Variants in PRKD2 observed in about 807,000 individuals in gnomAD.
The protein encoded by PRKD2 is protein kinase D2.
A neutral mutation model predicts 86.0 loss-of-function variants in PRKD2; 22 were observed. That is an observed-to-expected ratio of 0.26 (90% CI 0.18 to 0.37). The LOEUF (loss-of-function observed/expected upper bound fraction) is 0.37, where lower values mean the gene tolerates loss of function less well. PRKD2 is among the 10% of genes least tolerant of loss of function. The pLI, the probability that PRKD2 is intolerant of heterozygous loss-of-function variation, is 1.00. For missense variants in PRKD2, 818 were observed against 1,199.2 expected (o/e 0.68, Z 4.70); for synonymous variants, 509 against 510.9 (o/e 1.00, Z 0.05).
At chr19:46,709,623 A>C (rs1257035539) in intron 3 of PRKD2, among the ~76,000 whole-genome samples, 1 of 151,940 alleles carries the variant, frequency 6.6e-6, no homozygotes, top group Non-Finnish European at 1.5e-5. Flanking sequence ...GGCCTCCCAG[A>C]GTGCTGGGAT....
At chr19:46,690,540 C>T in intron 13 of PRKD2, 60 bp downstream of exon 13, 2 of 1,530,608 alleles carry the variant, frequency 1.3e-6, no homozygotes, top group Non-Finnish European at 1.8e-6. Context: ...ACCACCCCTA[C>T]ACTGGGTCAG....
At chr19:46,712,644 G>C (rs946638714) in intron 2 of PRKD2, among the ~76,000 whole-genome samples, 2 of 152,238 alleles carry the variant, frequency 1.3e-5, no homozygotes, top group African/African-American at 4.8e-5. Context: ...CTTATGATAT[G>C]AAAGAGTACT....
intron 12 of PRKD2, among the ~76,000 whole-genome samples, 160 bp downstream of exon 12, chr19:46,691,575 T>C (rs1375892375): frequency 1.3e-5 from 2 of 152,164 alleles, no homozygotes; most frequent in Admixed American, 1.3e-4. Context: ...AAGGAGAACC[T>C]GCAATCAGTC....
Position 46,687,900 on chromosome 19 carries a change from G to A in PRKD2, c.1971+1637C>T, listed in dbSNP as rs571729707. ...TTGTTTGGTTTTGAGACACGGTCTC[G>A]CTCTGTCACCCAGGCTGGAGTGCAG... is the stretch of plus-strand genomic sequence containing the variant. On this transcript the variant is annotated intron_variant, in intron 14 of 17. Transcript: ENST00000291281. 7.5e-4 allele frequency among the ~76,000 whole-genome samples: 114 copies of A among 152,224 alleles called. 1 individual carries two copies. Among genetic ancestry groups the A allele is most frequent in the East Asian group, 1.9e-4 (1 of 5,168 alleles).
intron 3 of PRKD2, among the ~76,000 whole-genome samples, chr19:46,708,860 T>C (rs982427366): frequency 1.6e-4 from 24 of 152,204 alleles, no homozygotes; most frequent in Non-Finnish European, 3.1e-4. Flanking sequence ...AGGTGCCAGG[T>C]TGACAAGAGA....
intron 9 of PRKD2, 102 bp downstream of exon 9, chr19:46,697,055 G>A (rs2122703570): frequency 1.0e-6 from 1 of 981,006 alleles, no homozygotes; most frequent in Non-Finnish European, 1.6e-6. Context: ...CAGAGGGTGT[G>A]ATTTGCAGGA....
At chr19:46,714,119 G>A (rs1377905189) in intron 1 of PRKD2, 118 bp from the exon 2 acceptor site, 2 of 1,432,848 alleles carry the variant, frequency 1.4e-6, no homozygotes, top group Non-Finnish European at 1.8e-6. Context: ...CAGAGACCCC[G>A]CAGGCCCTCG....
intron 1 of PRKD2, among the ~76,000 whole-genome samples, 173 bp downstream of exon 1, chr19:46,715,958 A>C (rs1162190163): frequency 6.6e-6 from 1 of 152,182 alleles, no homozygotes; most frequent in Non-Finnish European, 1.5e-5. Context: ...GTCCTCTCTC[A>C]AAGGGATGGT....
At position 46,716,305 on chromosome 19, in the gene PRKD2, G is replaced by T. The variant is rs774106327; in HGVS notation, c.66C>A (p.Pro22=). ...GCGACTGCAGCTCTAGGCCGCCGGG[G>T]GGCGGAGGAGACCCCGGCCCGGGAG... ...PGSPGPGSPP[P]PGGLELQSPP... is the part of the protein sequence containing the mutation. Residue 22 remains proline, a synonymous_variant, in exon 1 of 18, where the codon CCC becomes CCA. Coordinates refer to ENST00000291281, the MANE Select transcript of PRKD2 (RefSeq NM_016457.5). The surrounding 1 kb of genome is among the most constrained non-coding windows in gnomAD (Gnocchi z 7.9). 58 of 1,526,100 alleles carry T rather than the reference G, an allele frequency of 3.8e-5. No homozygotes were observed. The highest frequency in any genetic ancestry group is 5.1e-5 in the Non-Finnish European group (58 of 1,138,918). The allele number at this position is 1,526,100 out of a possible 1,614,324, so 94.5% of individuals were successfully genotyped here.
Position 46,716,422 on chromosome 19 carries a change from G to A in PRKD2, c.-52C>T, listed in dbSNP as rs987639950. 7 of 1,177,274 alleles carry A rather than the reference G, an allele frequency of 5.9e-6. No individual in the cohort carries two copies. Among genetic ancestry groups the A allele is most frequent in the Non-Finnish European group, 6.8e-6 (6 of 881,770 alleles). 72.9% of individuals were successfully genotyped at this position (1,177,274 alleles called of 1,614,324 possible). A position where few individuals can be genotyped will look rare whatever the true frequency, so the allele number is the denominator to read the frequency against. ...GGAGCCCACCCGGGACCCGGCCGGG[G>A]GGCCCCGGGGGACCCTGGGTTCTAG... On this transcript the variant is annotated 5_prime_UTR_variant, in exon 1 of 18. Transcript: ENST00000291281. This position sits in a 1 kb window ranked among gnomAD's most constrained non-coding sequence, Gnocchi z 7.9.
chr19:46,714,314 G>A, intron 1 of PRKD2: 1 of 1,148,850 alleles, frequency 8.7e-7, no homozygotes, highest in Non-Finnish European at 1.1e-6. Flanking sequence ...GGGAGGGGAT[G>A]CTGAATGAAC....
At chr19:46,685,175 T>C (rs1280164726) in intron 14 of PRKD2, among the ~76,000 whole-genome samples, 1 of 150,734 alleles carries the variant, frequency 6.6e-6, no homozygotes, top group African/African-American at 2.4e-5. Context: ...GGGACAATTG[T>C]TTGAACCTGG....
At chr19:46,692,798 A>T (rs2053502254) in intron 10 of PRKD2, among the ~76,000 whole-genome samples, 1 of 152,092 alleles carries the variant, frequency 6.6e-6, no homozygotes, top group African/African-American at 2.4e-5. Flanking sequence ...TGGTCTCTGC[A>T]TATGCTGTTT....
At chr19:46,682,516 C>G (rs1166396054) in intron 14 of PRKD2, among the ~76,000 whole-genome samples, 1 of 152,066 alleles carries the variant, frequency 6.6e-6, no homozygotes, top group African/African-American at 2.4e-5. Context: ...ACAGGAGGCA[C>G]TGGAGCACCA....
chr19:46,690,456 G>A, intron 13 of PRKD2, 144 bp downstream of exon 13: 3 of 685,790 alleles, frequency 4.4e-6, no homozygotes, highest in Admixed American at 4.5e-5. Flanking sequence ...TGTACAGGCT[G>A]GTCCCTCTGC....
At chr19:46,675,735 G>T (rs1449214509) in intron 16 of PRKD2, among the ~76,000 whole-genome samples, 1 of 151,952 alleles carries the variant, frequency 6.6e-6, no homozygotes, top group Non-Finnish European at 1.5e-5. Flanking sequence ...ATGAGCCACT[G>T]CGCCCGGCCT....
chr19:46,708,972 G>GTT (rs1363680607), intron 3 of PRKD2, among the ~76,000 whole-genome samples: 133 of 136,288 alleles, frequency 9.8e-4, no homozygotes, highest in East Asian at 2.0e-3. Flanking sequence ...TTTGTTTGTG[G>GTT]TTTTTTTTTT....
intron 16 of PRKD2, among the ~76,000 whole-genome samples, chr19:46,675,537 G>A (rs547567855): frequency 7.9e-5 from 12 of 152,102 alleles, no homozygotes; most frequent in African/African-American, 2.4e-4. Flanking sequence ...TCCGCCTCCC[G>A]GGTTCATGTG....
At chr19:46,695,535 C>T (rs1230353212) in intron 9 of PRKD2, among the ~76,000 whole-genome samples, 2 of 152,182 alleles carry the variant, frequency 1.3e-5, no homozygotes, top group African/African-American at 2.4e-5. Context: ...CAGGGCTTTG[C>T]GGGCCACAAG....
Sources: allele counts gnomAD v4.1 joint callset (sites outside exome capture counted in the v4.1 genomes callset), GRCh38; gene constraint gnomAD v4.1.1; non-coding constraint Gnocchi (gnomAD v3.1); transcripts MANE v1.5; gene names NCBI Gene and HGNC (gene_info 2026-07-23, HGNC 2026-07-21).